The following KANSL1L variants were observed in gnomAD, a reference collection of about 807,000 sequenced individuals.
KANSL1L encodes KAT8 regulatory NSL complex subunit 1-like protein.
Under a neutral mutation model 108.6 loss-of-function variants are expected in KANSL1L, and 25 were observed. The observed-to-expected ratio is 0.23, with a 90% CI of 0.17 to 0.32. KANSL1L has a LOEUF of 0.32. KANSL1L is among the 10% of genes least tolerant of loss of function. The pLI is 1.00. For synonymous variants in KANSL1L, 405 were observed against 395.1 expected (o/e 1.03, Z -0.30); for missense variants, 1,137 against 1,125.7 (o/e 1.01, Z -0.14).
intron 3 of KANSL1L, among the ~76,000 whole-genome samples, chr2:210,123,147 A>C (rs930325173): frequency 2.6e-5 from 4 of 152,100 alleles, no homozygotes; most frequent in Admixed American, 2.0e-4. Context: ...AAAAACTAAA[A>C]CTAGAACTAT....
At chr2:210,094,750 A>T (rs894273523) in intron 5 of KANSL1L, among the ~76,000 whole-genome samples, 1 of 152,098 alleles carries the variant, frequency 6.6e-6, no homozygotes, top group Non-Finnish European at 1.5e-5. Flanking sequence ...AGAATATTTT[A>T]AAAGTTCAAT....
At chr2:210,040,593 G>T (rs1481038760) in intron 7 of KANSL1L, 66 bp from the exon 8 acceptor site, 1 of 672,448 alleles carries the variant, frequency 1.5e-6, no homozygotes, top group Non-Finnish European at 2.4e-6. Context: ...ATTACAGATT[G>T]TAACATTAAA....
chr2:210,036,667 A>G (rs984142618), intron 8 of KANSL1L, among the ~76,000 whole-genome samples: 1 of 152,242 alleles, frequency 6.6e-6, no homozygotes, highest in African/African-American at 2.4e-5. Context: ...AAAATTAATG[A>G]CCAGCTATTT....
chr2:210,044,048 T>C lies in KANSL1L; in HGVS notation c.1812A>G (p.Gln604=), dbSNP rs763426923. 20 of 1,609,670 alleles carry C rather than the reference T, an allele frequency of 1.2e-5. No individual in the cohort carries two copies. In the East Asian group the frequency reaches 2.5e-4, roughly 20 times the overall value. Reference sequence around the variant, plus strand: ...CATAGCTACTCCAAGTTGAAGCTGATTGCAGGCAAGGCATTTGTGTAGTGT... The same window carrying C: ...CATAGCTACTCCAAGTTGAAGCTGACTGCAGGCAAGGCATTTGTGTAGTGT... ...FLNTTQMPCL[Q]SASTWSSYEH... Residue 604 remains glutamine (Q), a synonymous_variant, in exon 7 of 15, where the codon CAA becomes CAG. Transcript: ENST00000281772. This position sits in a 1 kb window ranked among gnomAD's most constrained non-coding sequence, Gnocchi z 4.2.
At chr2:210,115,677 A>C (rs189953340) in intron 3 of KANSL1L, among the ~76,000 whole-genome samples, 2 of 152,218 alleles carry the variant, frequency 1.3e-5, no homozygotes, top group Admixed American at 6.5e-5. Context: ...TGCATGTTTC[A>C]TATTAACTCC....
intron 4 of KANSL1L, among the ~76,000 whole-genome samples, chr2:210,100,077 C>CAG (rs2094778684): frequency 6.6e-6 from 1 of 152,178 alleles, no homozygotes; most frequent in Non-Finnish European, 1.5e-5. Context: ...CCAGGCTGCA[C>CAG]AGCAGGAGGT....
chr2:210,102,948 C>G (rs2094808858), intron 4 of KANSL1L, among the ~76,000 whole-genome samples: 1 of 152,058 alleles, frequency 6.6e-6, no homozygotes, highest in African/African-American at 2.4e-5. Flanking sequence ...ACCATTTGAC[C>G]CAGCCATCCC....
At chr2:210,032,319 G>A (rs552525717) in intron 8 of KANSL1L, 1 of 152,294 alleles carries the variant, frequency 6.6e-6, no homozygotes, top group South Asian at 2.1e-4. Flanking sequence ...TTTTACATAG[G>A]TACATGCACA....
chr2:210,086,733 T>A (rs937197276), intron 5 of KANSL1L, among the ~76,000 whole-genome samples: 7 of 152,034 alleles, frequency 4.6e-5, no homozygotes, highest in Non-Finnish European at 1.0e-4. Flanking sequence ...AAACAAAAGT[T>A]CTATATGATC....
intron 1 of KANSL1L, among the ~76,000 whole-genome samples, chr2:210,163,496 A>C (rs1575649707): frequency 6.6e-6 from 1 of 152,064 alleles, no homozygotes; most frequent in East Asian, 1.9e-4. Flanking sequence ...GGTTTGAGGA[A>C]GAAGAGACTA....
At chr2:210,172,291 G>A (rs527840513), upstream of KANSL1L, among the ~76,000 whole-genome samples, 1 of 152,196 alleles carries the variant, frequency 6.6e-6, no homozygotes, top group South Asian at 2.1e-4. Context: ...CCTAAGCACC[G>A]AATTTACACA....
At chr2:210,069,710 T>A (rs1247493914) in intron 6 of KANSL1L, among the ~76,000 whole-genome samples, 5 of 152,048 alleles carry the variant, frequency 3.3e-5, no homozygotes, top group South Asian at 2.1e-4. Context: ...ATTCTTTTTT[T>A]AAAATTAAAT....
At chr2:210,140,099 G>A (rs749081411) in intron 2 of KANSL1L, among the ~76,000 whole-genome samples, 1 of 151,986 alleles carries the variant, frequency 6.6e-6, no homozygotes, top group East Asian at 1.9e-4. Context: ...CTTTTCAGAC[G>A]TATAGTTTGC....
intron 8 of KANSL1L, among the ~76,000 whole-genome samples, chr2:210,039,409 A>T (rs992902546): frequency 3.3e-5 from 5 of 151,912 alleles, no homozygotes; most frequent in African/African-American, 1.2e-4. Context: ...AACAGAATTT[A>T]TTCCTTTACA....
At chr2:210,065,690 A>C (rs1387798495) in intron 6 of KANSL1L, among the ~76,000 whole-genome samples, 2 of 144,792 alleles carry the variant, frequency 1.4e-5, no homozygotes, top group East Asian at 4.1e-4. Flanking sequence ...GGTTCAAGGG[A>C]TTCTCCTGCC....
intron 5 of KANSL1L, among the ~76,000 whole-genome samples, chr2:210,078,689 G>A (rs1000118797): frequency 1.2e-4 from 19 of 152,148 alleles, no homozygotes; most frequent in Non-Finnish European, 2.2e-4. Context: ...ATAATGAGAC[G>A]GCCCAATCAA....
intron 6 of KANSL1L, among the ~76,000 whole-genome samples, chr2:210,074,303 A>C (rs760500734): frequency 7.2e-5 from 11 of 152,082 alleles, no homozygotes; most frequent in Non-Finnish European, 1.5e-4. Context: ...CATCTTTTCT[A>C]TATATTTCCT....
At chr2:210,056,631 C>A (rs1299723749) in intron 6 of KANSL1L, among the ~76,000 whole-genome samples, 1 of 152,082 alleles carries the variant, frequency 6.6e-6, no homozygotes, top group Admixed American at 6.5e-5. Flanking sequence ...CAGGCATGCA[C>A]CACCATGTCC....
chr2:210,152,044 C>G (rs1247057759), intron 2 of KANSL1L: 1 of 152,004 alleles, frequency 6.6e-6, no homozygotes, highest in Non-Finnish European at 1.5e-5. Flanking sequence ...CTGTGTCATG[C>G]AGGTTTGTTA....
Sources: gnomAD v4.1 joint callset for allele counts (sites outside exome capture counted in the v4.1 genomes callset) on GRCh38, gnomAD v4.1.1 for gene constraint, Gnocchi (gnomAD v3.1) non-coding constraint, MANE v1.5 for transcripts, NCBI Gene and HGNC (gene_info 2026-07-23, HGNC 2026-07-21) for gene names.